Variants in DYNC1I1 observed in about 807,000 individuals in gnomAD.
DYNC1I1 encodes the protein dynein cytoplasmic 1 intermediate chain 1.
Under a neutral mutation model 86.6 loss-of-function variants are expected in DYNC1I1, and 43 were observed. That is an observed-to-expected ratio of 0.50 (90% confidence interval 0.39 to 0.64). The LOEUF (loss-of-function observed/expected upper bound fraction) is 0.64. DYNC1I1 is among the 30% of genes least tolerant of loss of function. DYNC1I1 has a pLI of 0.00. For synonymous variants in DYNC1I1, 262 were observed against 283.7 expected (o/e 0.92, Z 0.77); for missense variants, 604 against 788.8 (o/e 0.77, Z 2.81).
At chr7:96,071,415 A>G (rs1790156413) in intron 14 of DYNC1I1, among the ~76,000 whole-genome samples, 1 of 152,180 alleles carries the variant, frequency 6.6e-6, no homozygotes, top group Admixed American at 6.5e-5. Context: ...AGTAAGATCC[A>G]AGGATGTTAA....
chr7:96,104,832 G>T (rs904666848), intron 16 of DYNC1I1, among the ~76,000 whole-genome samples: 1 of 151,974 alleles, frequency 6.6e-6, no homozygotes, highest in Non-Finnish European at 1.5e-5. Flanking sequence ...TACTCATTTT[G>T]AAAGATTATT....
chr7:95,972,320 G>A (rs147006966), intron 6 of DYNC1I1, among the ~76,000 whole-genome samples: 110 of 152,270 alleles, frequency 7.2e-4, no homozygotes, highest in African/African-American at 2.6e-3. Context: ...ATCTTGCCAG[G>A]ATGTTGGGCG....
chr7:95,887,609 A>G (rs1790628412), intron 6 of DYNC1I1, among the ~76,000 whole-genome samples: 1 of 152,184 alleles, frequency 6.6e-6, no homozygotes, highest in East Asian at 1.9e-4. Context: ...AGCAAGGACT[A>G]GGTTTTGCAG....
chr7:95,824,334 C>T (rs1441209055), intron 4 of DYNC1I1, among the ~76,000 whole-genome samples: 1 of 151,918 alleles, frequency 6.6e-6, no homozygotes, highest in African/African-American at 2.4e-5. Context: ...CTGTAGGTTC[C>T]TTGAACATTT....
At chr7:95,956,542 C>A (rs1220421030) in intron 6 of DYNC1I1, among the ~76,000 whole-genome samples, 1 of 151,856 alleles carries the variant, frequency 6.6e-6, no homozygotes, top group Admixed American at 6.6e-5. Context: ...TTGCCCCCCA[C>A]CCCCGACAGG....
At chr7:95,920,723 A>G (rs1791588036) in intron 6 of DYNC1I1, among the ~76,000 whole-genome samples, 1 of 152,204 alleles carries the variant, frequency 6.6e-6, no homozygotes, top group Admixed American at 6.5e-5. Context: ...TTTTTAAGAG[A>G]TGACTTTAAA....
chr7:95,916,581 CT>C (rs1255254462), intron 6 of DYNC1I1, among the ~76,000 whole-genome samples: 1 of 152,140 alleles, frequency 6.6e-6, no homozygotes, highest in African/African-American at 2.4e-5. Flanking sequence ...TTTCATATAT[CT>C]TATGACAGAG....
chr7:95,842,829 G>GT (rs930732354), intron 5 of DYNC1I1, among the ~76,000 whole-genome samples: 4 of 151,538 alleles, frequency 2.6e-5, no homozygotes, highest in Non-Finnish European at 4.4e-5. Flanking sequence ...CTCCTATTCT[G>GT]TTTTTTTGCT....
chr7:96,065,367 T>G (rs1789939111), intron 14 of DYNC1I1, among the ~76,000 whole-genome samples: 1 of 139,950 alleles, frequency 7.1e-6, no homozygotes, highest in Non-Finnish European at 1.5e-5. Flanking sequence ...CTTTTCTTTT[T>G]TTCTTTCTTT....
chr7:95,840,469 C>T (rs1205483504), intron 5 of DYNC1I1, among the ~76,000 whole-genome samples: 1 of 152,110 alleles, frequency 6.6e-6, no homozygotes, highest in Non-Finnish European at 1.5e-5. Flanking sequence ...TCACATTGTT[C>T]ATGCATTTCT....
chr7:95,807,616 T>C (rs1247472945), intron 2 of DYNC1I1, among the ~76,000 whole-genome samples: 1 of 152,168 alleles, frequency 6.6e-6, no homozygotes, highest in East Asian at 1.9e-4. Context: ...GATGTTCTCT[T>C]TCCTCTGCTT....
intron 5 of DYNC1I1, among the ~76,000 whole-genome samples, chr7:95,854,886 A>G (rs913401889): frequency 1.3e-5 from 2 of 152,180 alleles, no homozygotes; most frequent in Non-Finnish European, 2.9e-5. Context: ...TCAGCATGCC[A>G]CAATTGAGCA....
intron 14 of DYNC1I1, among the ~76,000 whole-genome samples, chr7:96,071,989 C>T (rs2116226913): frequency 6.6e-6 from 1 of 152,292 alleles, no homozygotes; most frequent in Non-Finnish European, 1.5e-5. Flanking sequence ...AGAACCAAAT[C>T]CAGCTTTACC....
chr7:95,996,076 A>G lies in DYNC1I1; in HGVS notation c.969+3A>G. ...CAGAATACGTCTTCCACTGTCAGGT[A>G]GGAGTCAGCGTAGTAAAAATAACTT... On this transcript the variant is annotated splice_donor_region_variant and intron_variant, in intron 10 of 16. Coordinates refer to ENST00000447467, the MANE Select transcript of DYNC1I1 (RefSeq NM_001135556.2). The G allele has an allele frequency of 6.2e-7, 1 of 1,614,074 alleles. No homozygotes were observed. Among genetic ancestry groups the G allele is most frequent in the Non-Finnish European group, 8.5e-7 (1 of 1,179,938 alleles).
chr7:95,963,818 T>G (rs988824258), intron 6 of DYNC1I1, among the ~76,000 whole-genome samples: 1 of 152,166 alleles, frequency 6.6e-6, no homozygotes, highest in Admixed American at 6.5e-5. Context: ...AAGAACCATG[T>G]CTGTCTAGAC....
intron 13 of DYNC1I1, among the ~76,000 whole-genome samples, chr7:96,036,894 C>T (rs1165001389): frequency 6.6e-6 from 1 of 152,132 alleles, no homozygotes. Flanking sequence ...CAGGTGGCCT[C>T]ATGTCTTTTG....
chr7:96,068,479 C>T (rs752177601), intron 14 of DYNC1I1, among the ~76,000 whole-genome samples: 16 of 152,036 alleles, frequency 1.1e-4, no homozygotes, highest in Non-Finnish European at 1.8e-4. Flanking sequence ...GAAAATGTGT[C>T]TTTTATATAT....
Position 95,936,956 on chromosome 7 carries a change from T to TCTCTCACACACACACACACA in DYNC1I1, c.491-40555_491-40554insTCTCACACACACACACACAC, listed in dbSNP as rs750834189. 5.5e-3 allele frequency among the ~76,000 whole-genome samples: 734 copies of TCTCTCACACACACACACACA among 134,252 alleles called. 6 individuals carry two copies. The highest frequency in any genetic ancestry group is 8.3e-3 in the Non-Finnish European group (517 of 62,600). The allele number at this position is 134,252 out of a possible 152,430, so 88.1% of individuals were successfully genotyped here. On this transcript the variant is annotated intron_variant, in intron 6 of 16. Transcript: ENST00000447467. Reference sequence around the variant, plus strand: ...CAAAGGAATGGATAAAGAATATGTCTCACACACACACACACACACACACAC... The same window carrying TCTCTCACACACACACACACA: ...CAAAGGAATGGATAAAGAATATGTCTCTCTCACACACACACACACACACACACACACACACACACACACAC...
intron 5 of DYNC1I1, among the ~76,000 whole-genome samples, chr7:95,848,153 T>C (rs1049790126): frequency 2.6e-5 from 4 of 152,100 alleles, no homozygotes; most frequent in African/African-American, 7.2e-5. Flanking sequence ...CTTACCATTT[T>C]TCAGTAACAC....
Sources: gnomAD v4.1 joint callset for allele counts (sites outside exome capture counted in the v4.1 genomes callset) on GRCh38, gnomAD v4.1.1 for gene constraint, MANE v1.5 for transcripts, NCBI Gene and HGNC (gene_info 2026-07-23, HGNC 2026-07-21) for gene names.